LRBA: variants seen among roughly 807,000 people sequenced by gnomAD.
LRBA encodes the protein lipopolysaccharide-responsive and beige-like anchor protein.
In LRBA, 176 loss-of-function variants were observed where a neutral mutation model predicts 330.0. The ratio of observed to expected loss-of-function variants is 0.53; its 90% confidence interval spans 0.47 to 0.60. The LOEUF (loss-of-function observed/expected upper bound fraction) is 0.60. LRBA is among the 20% of genes least tolerant of loss of function. The pLI is 0.00. For missense variants in LRBA, 3,259 were observed against 3,444.8 expected, an observed-to-expected ratio of 0.95 and a Z score of 1.35; for synonymous variants, 1,230 against 1,193.0, an observed-to-expected ratio of 1.03 and a Z score of -0.64.
chr4:150,869,933 G>A (rs1753229229), intron 20 of LRBA, among the ~76,000 whole-genome samples: 2 of 152,018 alleles, frequency 1.3e-5, no homozygotes, highest in South Asian at 2.1e-4. Context: ...TCAAAGCCAC[G>A]TGCTTTGAAA....
chr4:150,446,993 C>T (rs1394165379), intron 44 of LRBA, among the ~76,000 whole-genome samples: 5 of 152,122 alleles, frequency 3.3e-5, no homozygotes, highest in Non-Finnish European at 7.4e-5. Context: ...ATAATCAATA[C>T]TTATGAGGGA....
intron 25 of LRBA, 81 bp downstream of exon 25, chr4:150,849,341 C>G: frequency 1.6e-6 from 2 of 1,250,784 alleles, no homozygotes; most frequent in South Asian, 2.7e-5. Context: ...GCATAGTAAC[C>G]ACCACATTTA....
chr4:150,908,831 G>A lies in LRBA; in HGVS notation c.1188C>T (p.Ser396=), dbSNP rs763732943. ...TGTGATGCTCAGCAAGGAAAAGGTC[G>A]CTTTCTGCTTTGAATTTAAATGTAC... ...YKGTFKFKAE[S]DLFLAEHHKL... Residue 396 remains serine, a synonymous_variant, in exon 10 of 57, where the codon AGC becomes AGT. Transcript: ENST00000651943. 15 of 1,612,706 alleles carry A rather than the reference G, an allele frequency of 9.3e-6. No homozygotes were observed. The highest frequency in any genetic ancestry group is 2.2e-5 in the East Asian group (1 of 44,866).
chr4:150,676,636 T>C (rs939309224), intron 37 of LRBA, among the ~76,000 whole-genome samples: 1 of 152,152 alleles, frequency 6.6e-6, no homozygotes. Flanking sequence ...ATTCTCATAT[T>C]GGGATTTTTT....
chr4:150,907,347 G>A (rs560546141), intron 11 of LRBA, among the ~76,000 whole-genome samples: 7 of 94,142 alleles, frequency 7.4e-5, no homozygotes, highest in African/African-American at 2.9e-4. Context: ...GGGGAGGAAG[G>A]GGAAGGGGGA....
chr4:150,753,896 A>G (rs1019260376), intron 35 of LRBA, among the ~76,000 whole-genome samples: 1 of 151,682 alleles, frequency 6.6e-6, no homozygotes, highest in African/African-American at 2.4e-5. Context: ...CAAAACACCA[A>G]CTCTACAAAA....
At chr4:150,578,071 C>T (rs953604568) in intron 40 of LRBA, among the ~76,000 whole-genome samples, 40 of 152,168 alleles carry the variant, frequency 2.6e-4, no homozygotes, top group Non-Finnish European at 4.9e-4. Flanking sequence ...TACTGTTTTC[C>T]TATAAATGGA....
chr4:150,487,051 G>A (rs779783906), intron 42 of LRBA, among the ~76,000 whole-genome samples: 11 of 151,584 alleles, frequency 7.3e-5, no homozygotes, highest in Non-Finnish European at 1.2e-4. Flanking sequence ...GTACACTTAC[G>A]TTGATTTCTG....
At chr4:150,853,998 T>G (rs1182006114) in intron 22 of LRBA, among the ~76,000 whole-genome samples, 1 of 152,096 alleles carries the variant, frequency 6.6e-6, no homozygotes, top group Non-Finnish European at 1.5e-5. Flanking sequence ...AAAAGCTGAT[T>G]TTTTTATCCA....
At chr4:150,990,700 T>C (rs1033806443) in intron 2 of LRBA, among the ~76,000 whole-genome samples, 1 of 152,066 alleles carries the variant, frequency 6.6e-6, no homozygotes, top group African/African-American at 2.4e-5. Context: ...CACACCAGTG[T>C]ACTTCAGCCT....
chr4:150,756,565 T>A (rs751720127), intron 35 of LRBA, among the ~76,000 whole-genome samples: 1 of 152,212 alleles, frequency 6.6e-6, no homozygotes, highest in Non-Finnish European at 1.5e-5. Context: ...ATTAAATATA[T>A]CTTTCAATTC....
chr4:150,939,452 G>T (rs941914187), intron 2 of LRBA, among the ~76,000 whole-genome samples: 4 of 152,138 alleles, frequency 2.6e-5, no homozygotes, highest in Non-Finnish European at 4.4e-5. Context: ...CAGAAGTCAG[G>T]AAAGAAACAT....
intron 40 of LRBA, among the ~76,000 whole-genome samples, chr4:150,522,574 G>A (rs1308033108): frequency 6.6e-6 from 1 of 152,114 alleles, no homozygotes; most frequent in Non-Finnish European, 1.5e-5. Context: ...AACACCAGAG[G>A]GGCTCAAGGC....
chr4:150,542,783 T>C (rs532825555), intron 40 of LRBA, among the ~76,000 whole-genome samples: 30 of 152,222 alleles, frequency 2.0e-4, no homozygotes, highest in African/African-American at 6.5e-4. Flanking sequence ...ACAAACTCAA[T>C]GATTTAAAAT....
chr4:150,799,540 T>A (rs1289593303), intron 33 of LRBA, among the ~76,000 whole-genome samples: 1 of 152,210 alleles, frequency 6.6e-6, no homozygotes, highest in Non-Finnish European at 1.5e-5. Flanking sequence ...CAGATCTTTC[T>A]ATTATTAGGT....
At chr4:150,908,210 G>A in intron 11 of LRBA, 124 bp downstream of exon 11, 1 of 906,576 alleles carries the variant, frequency 1.1e-6, no homozygotes, top group Non-Finnish European at 1.7e-6. Context: ...TTGTAATACA[G>A]TTTATAGTTC....
chr4:150,279,626 TG>T (rs2126751581), intron 55 of LRBA, among the ~76,000 whole-genome samples: 1 of 152,352 alleles, frequency 6.6e-6, no homozygotes, highest in South Asian at 2.1e-4. Flanking sequence ...TTCACCCAAA[TG>T]CCAACTTTTA....
intron 49 of LRBA, among the ~76,000 whole-genome samples, chr4:150,323,718 T>C (rs1732862049): frequency 6.6e-6 from 1 of 152,182 alleles, no homozygotes; most frequent in African/African-American, 2.4e-5. Context: ...TCATCATATA[T>C]CCTTGGCTAA....
Position 150,583,296 on chromosome 4 carries a change from G to A in LRBA, c.6330+4752C>T, listed in dbSNP as rs765234865. The A allele has an allele frequency of 6.2e-7, 1 of 1,614,214 alleles. No homozygotes were observed. Among genetic ancestry groups the A allele is most frequent in the South Asian group, 1.1e-5 (1 of 91,088 alleles). On this transcript the variant is annotated intron_variant, in intron 40 of 56. Coordinates refer to ENST00000651943, the MANE Select transcript of LRBA (RefSeq NM_001364905.1). The surrounding 1 kb of genome is among the most constrained non-coding windows in gnomAD (Gnocchi z 9.8). ...ACCAGATGGGCGTCTTCAACTTCGT[G>A]GACGACGGCTCGCTGCCCGGCTGCG...
Sources: gnomAD v4.1 joint callset for allele counts (sites outside exome capture counted in the v4.1 genomes callset) on GRCh38, gnomAD v4.1.1 for gene constraint, Gnocchi (gnomAD v3.1) non-coding constraint, MANE v1.5 for transcripts, NCBI Gene and HGNC (gene_info 2026-07-23, HGNC 2026-07-21) for gene names.